TMX4: variants seen among roughly 807,000 people sequenced by gnomAD.
The protein encoded by TMX4 is thioredoxin related transmembrane protein 4, also known as thioredoxin-related transmembrane protein 4.
Under a neutral mutation model 33.3 loss-of-function variants are expected in TMX4, and 23 were observed. The observed-to-expected ratio is 0.69, with a 90% CI of 0.50 to 0.98. TMX4 has a LOEUF of 0.98. Ranked by LOEUF, TMX4 falls within the 50% of genes least tolerant of loss-of-function variation. The probability of loss-of-function intolerance (pLI) is 0.00; values close to 1 mark genes in which losing one functional copy is unlikely to be tolerated. For synonymous variants in TMX4, 164 were observed against 161.5 expected (o/e 1.02, Z -0.12); for missense variants, 399 against 448.9 (o/e 0.89, Z 1.01).
At chr20:7,982,728 T>C in intron 7 of TMX4, 107 bp from the exon 8 acceptor site, 1 of 1,291,994 alleles carries the variant, frequency 7.7e-7, no homozygotes, top group Non-Finnish European at 1.1e-6. Flanking sequence ...GTGACAGTTT[T>C]TTCTATCTTG....
At chr20:7,988,354 T>G (rs1031505264) in intron 5 of TMX4, among the ~76,000 whole-genome samples, 2 of 152,340 alleles carry the variant, frequency 1.3e-5, no homozygotes, top group African/African-American at 4.8e-5. Flanking sequence ...ATTTCCTATT[T>G]CTCAAAATCT....
rs778723979 is a variant in TMX4, at chr20:8,001,494, A to G, written c.338+2T>C. 6.3e-7 allele frequency: 1 copy of G among 1,593,460 alleles called. No individual in the cohort carries two copies. The highest frequency in any genetic ancestry group is 1.1e-5 in the South Asian group (1 of 88,238). On this transcript the variant is annotated splice_donor_variant, in intron 3 of 7. Coordinates refer to ENST00000246024, the MANE Select transcript of TMX4 (RefSeq NM_021156.4). LOFTEE classifies it high-confidence loss of function. ...CAAGATTAGAAGATTATTTAAACTTACTGAAAAAATGCTGGGAGAGTGGTG... is the reference window on the plus strand; with the variant it reads ...CAAGATTAGAAGATTATTTAAACTTGCTGAAAAAATGCTGGGAGAGTGGTG...
Position 7,982,312 on chromosome 20 carries a change from G to C in TMX4, c.989C>G (p.Thr330Arg). Residue 330 changes from threonine to arginine, a missense_variant, in exon 8 of 8, where the codon ACA (threonine) becomes AGA (arginine). Physicochemically the swap from Thr to Arg is moderately conservative, Grantham distance 71 (BLOSUM62 -1). Transcript: ENST00000246024. ...GISEQPCPAD[T>R]EVVEDSLRQR... ...CCTCAAGGAGTCTTCCACCACCTCT[G>C]TGTCAGCTGGGCAGGGTTGCTCAGA... 1 of 1,614,098 alleles carries C rather than the reference G, an allele frequency of 6.2e-7. No individual in the cohort carries two copies. The highest frequency in any genetic ancestry group is 8.5e-7 in the Non-Finnish European group (1 of 1,180,032).
At chr20:8,003,535 T>G (rs2050715983) in intron 2 of TMX4, among the ~76,000 whole-genome samples, 1 of 152,154 alleles carries the variant, frequency 6.6e-6, no homozygotes, top group Non-Finnish European at 1.5e-5. Context: ...ATACAATATA[T>G]AAAACATTTC....
rs185870569 is a variant in TMX4, at chr20:7,991,802, C to T, written c.513+4224G>A. On this transcript the variant is annotated intron_variant, in intron 5 of 7. Coordinates refer to ENST00000246024, the MANE Select transcript of TMX4 (RefSeq NM_021156.4). ...TAGGTACCAGATTCTGCACTAGGCACTCAAAGGGTTCTAGGAACAAGTCTA... is the reference window on the plus strand; with the variant it reads ...TAGGTACCAGATTCTGCACTAGGCATTCAAAGGGTTCTAGGAACAAGTCTA... Among the ~76,000 whole-genome samples, 4 of 151,512 alleles carry T rather than the reference C, an allele frequency of 2.6e-5. No homozygotes were observed. In the East Asian group the frequency reaches 5.8e-4, roughly 22 times the overall value.
At chr20:8,012,525 A>T (rs6140499) in intron 1 of TMX4, among the ~76,000 whole-genome samples, 10,891 of 152,216 alleles carry the variant, frequency 0.072, 1,009 homozygotes, top group East Asian at 0.53. Flanking sequence ...AAAATCGTCA[A>T]GGAATATAAA....
chr20:7,982,245 T>C lies in TMX4; in HGVS notation c.*6A>G, dbSNP rs1043611681. 5 of 1,608,682 alleles carry C rather than the reference T, an allele frequency of 3.1e-6. No individual in the cohort carries two copies. Among genetic ancestry groups the C allele is most frequent in the Non-Finnish European group, 3.4e-6 (4 of 1,176,574 alleles). ...GGTGTGTATTCTTGAAAACGCATCA[T>C]TAAATCTACAGTCCCTTGTCAGCAT... On this transcript the variant is annotated 3_prime_UTR_variant, in exon 8 of 8. Coordinates refer to ENST00000246024, the MANE Select transcript of TMX4 (RefSeq NM_021156.4).
chr20:8,016,683 G>T (rs1469579445), intron 1 of TMX4, among the ~76,000 whole-genome samples: 2 of 152,142 alleles, frequency 1.3e-5, no homozygotes, highest in East Asian at 3.8e-4. Flanking sequence ...CTGCATTAGA[G>T]GGGATCTGTA....
rs568568591 is a variant in TMX4, at chr20:8,002,978, C to T, written c.293-1437G>A. On this transcript the variant is annotated intron_variant, in intron 2 of 7. Coordinates refer to ENST00000246024, the MANE Select transcript of TMX4 (RefSeq NM_021156.4). ...AGTTTTGTCACCAGTAACATAAACA[C>T]GAGTGACCCAAAAATAGGTCAACTG... 4.6e-5 allele frequency among the ~76,000 whole-genome samples: 7 copies of T among 152,208 alleles called. No individual in the cohort carries two copies. In the East Asian group the frequency reaches 9.7e-4, roughly 21 times the overall value.
chr20:8,016,128 T>G (rs2050774107), intron 1 of TMX4, among the ~76,000 whole-genome samples: 1 of 152,202 alleles, frequency 6.6e-6, no homozygotes, highest in Non-Finnish European at 1.5e-5. Context: ...GAATGAAGAA[T>G]AGTATAAAAC....
intron 1 of TMX4, chr20:8,018,980 G>C (rs577206965): frequency 1.3e-4 from 56 of 444,788 alleles, no homozygotes; most frequent in South Asian, 8.1e-4. Context: ...CCTGTGCTAC[G>C]TATTCATACT....
At chr20:8,004,652 T>C (rs1237447622) in intron 2 of TMX4, among the ~76,000 whole-genome samples, 1 of 151,956 alleles carries the variant, frequency 6.6e-6, no homozygotes, top group African/African-American at 2.4e-5. Flanking sequence ...ATTAAAAGCT[T>C]AGAGAAAGAA....
At chr20:8,016,232 C>T (rs1358837151) in intron 1 of TMX4, among the ~76,000 whole-genome samples, 1 of 152,122 alleles carries the variant, frequency 6.6e-6, no homozygotes. Flanking sequence ...ATACAATAAG[C>T]CCATAGCCGG....
intron 3 of TMX4, 103 bp from the exon 4 acceptor site, chr20:7,999,963 G>T: frequency 8.0e-7 from 1 of 1,251,550 alleles, no homozygotes; most frequent in Admixed American, 2.8e-5. Context: ...AACGCCATCT[G>T]AACTTTAAAT....
chr20:8,000,010 A>T (rs1295451311), intron 3 of TMX4, 150 bp from the exon 4 acceptor site: 12 of 794,262 alleles, frequency 1.5e-5, no homozygotes. Flanking sequence ...GATAAATCAG[A>T]AAGAGTTAAT....
chr20:7,987,264 A>G, intron 6 of TMX4, 24 bp downstream of exon 6: 1 of 1,462,922 alleles, frequency 6.8e-7, no homozygotes, highest in Non-Finnish European at 9.3e-7. Flanking sequence ...TTAAAGATAG[A>G]AAAAGTTTGG....
Position 7,982,095 on chromosome 20 carries a change from A to T in TMX4, c.*156T>A. On this transcript the variant is annotated 3_prime_UTR_variant, in exon 8 of 8. Transcript: ENST00000246024. ...ACACCTGGAAGACTCTCCTTAGTAT[A>T]CATGAGGCTTACTGCCATGAGACCA... 1.4e-6 allele frequency: 1 copy of T among 708,490 alleles called. No individual in the cohort carries two copies. The allele number at this position is 708,490 out of a possible 1,614,324, so 43.9% of individuals were successfully genotyped here. A position where few individuals can be genotyped will look rare whatever the true frequency, so the allele number is the denominator to read the frequency against.
At chr20:8,000,796 C>A (rs2050702874) in intron 3 of TMX4, among the ~76,000 whole-genome samples, 2 of 152,170 alleles carry the variant, frequency 1.3e-5, no homozygotes, top group Non-Finnish European at 2.9e-5. Context: ...TCAAACTGTA[C>A]CTAGACTTCT....
chr20:8,016,297 G>A (rs955285014), intron 1 of TMX4, among the ~76,000 whole-genome samples: 11 of 152,036 alleles, frequency 7.2e-5, no homozygotes, highest in Admixed American at 2.0e-4. Flanking sequence ...GCTTGAGCCC[G>A]GGAGGCAGAG....
Sources: allele counts gnomAD v4.1 joint callset (sites outside exome capture counted in the v4.1 genomes callset), GRCh38; gene constraint gnomAD v4.1.1; transcripts MANE v1.5; gene names NCBI Gene and HGNC (gene_info 2026-07-23, HGNC 2026-07-21).